The following SLC71A2 variants were observed in gnomAD, a reference collection of about 807,000 sequenced individuals.
SLC71A2 encodes the protein hippocampus abundant transcript-like 1.
At chr9:94,449,246 T>A in the SLC71A2 span, among the ~76,000 whole-genome samples, 1 of 152,222 alleles carries the variant, frequency 6.6e-6, no homozygotes, top group African/African-American at 2.4e-5. Context: ...TCCATATTAT[T>A]TTATATTATT....
chr9:94,455,978 G>C, the SLC71A2 span, among the ~76,000 whole-genome samples: 1 of 152,270 alleles, frequency 6.6e-6, no homozygotes, highest in African/African-American at 2.4e-5. Flanking sequence ...GGAGACCAGG[G>C]AGAAGAAAAG....
chr9:94,428,973 A>G, the SLC71A2 span, among the ~76,000 whole-genome samples: 1 of 151,796 alleles, frequency 6.6e-6, no homozygotes. Flanking sequence ...TGTGCATTTG[A>G]GGTTCCTCCA....
the SLC71A2 span, chr9:94,456,343 G>A: frequency 6.2e-7 from 1 of 1,610,582 alleles, no homozygotes; most frequent in South Asian, 1.1e-5. Context: ...GCAAGGTGAG[G>A]TCACTGCCCC....
chr9:94,447,977 C>T, the SLC71A2 span, among the ~76,000 whole-genome samples: 3 of 152,100 alleles, frequency 2.0e-5, no homozygotes, highest in African/African-American at 7.2e-5. Context: ...GGCTTGATAG[C>T]TCATTTTGTT....
At chr9:94,447,070 G>T in the SLC71A2 span, 1 of 550,546 alleles carries the variant, frequency 1.8e-6, no homozygotes, top group Non-Finnish European at 3.2e-6. Context: ...TGTAGGTGCT[G>T]GCATATAATT....
At chr9:94,411,528 A>T in the SLC71A2 span, among the ~76,000 whole-genome samples, 1 of 151,552 alleles carries the variant, frequency 6.6e-6, no homozygotes, top group Non-Finnish European at 1.5e-5. Context: ...TAGATTCACT[A>T]TTTCAGTAAG....
At chr9:94,444,937 C>A in the SLC71A2 span, 1 of 1,608,572 alleles carries the variant, frequency 6.2e-7, no homozygotes. Flanking sequence ...CCTATGGGAC[C>A]CTGGGTGAGA....
At chr9:94,419,090 T>A in the SLC71A2 span, among the ~76,000 whole-genome samples, 1 of 152,046 alleles carries the variant, frequency 6.6e-6, no homozygotes, top group Non-Finnish European at 1.5e-5. Flanking sequence ...AACCTGTATA[T>A]TTAGATAATA....
chr9:94,437,837 G>A, the SLC71A2 span, among the ~76,000 whole-genome samples: 1 of 145,692 alleles, frequency 6.9e-6, no homozygotes, highest in African/African-American at 2.6e-5. Flanking sequence ...TCATGTCATC[G>A]CTCTTTTCTA....
At chr9:94,407,248 A>T in the SLC71A2 span, among the ~76,000 whole-genome samples, 2 of 151,948 alleles carry the variant, frequency 1.3e-5, no homozygotes, top group Non-Finnish European at 2.9e-5. Context: ...CTGTTATTAC[A>T]TTCTTAGAAT....
the SLC71A2 span, among the ~76,000 whole-genome samples, chr9:94,443,683 A>G: frequency 5.9e-5 from 9 of 152,236 alleles, no homozygotes; most frequent in Non-Finnish European, 1.2e-4. Context: ...CACATTTTGC[A>G]TAGAGTTTCA....
At chr9:94,454,213 A>G in the SLC71A2 span, 5 of 608,946 alleles carry the variant, frequency 8.2e-6, no homozygotes, top group Non-Finnish European at 1.5e-5. Context: ...TTAGGCTTTA[A>G]TTTGGGGAAA....
the SLC71A2 span, among the ~76,000 whole-genome samples, chr9:94,459,003 A>C: frequency 1.3e-5 from 2 of 152,190 alleles, no homozygotes; most frequent in Non-Finnish European, 2.9e-5. Context: ...CCAAACACCA[A>C]GCTCTAGTGG....
chr9:94,447,305 G>T, the SLC71A2 span, among the ~76,000 whole-genome samples: 1 of 151,424 alleles, frequency 6.6e-6, no homozygotes, highest in Admixed American at 6.6e-5. Context: ...TCAGCCTCCC[G>T]AGTAGCTGGG....
chr9:94,412,281 T>C, the SLC71A2 span, among the ~76,000 whole-genome samples: 1 of 152,240 alleles, frequency 6.6e-6, no homozygotes, highest in Non-Finnish European at 1.5e-5. Flanking sequence ...TAGAAGCTTT[T>C]TATATGTTAG....
At chr9:94,459,242 G>A in the SLC71A2 span, 2 of 1,614,098 alleles carry the variant, frequency 1.2e-6, no homozygotes, top group African/African-American at 2.7e-5. Context: ...ATTCATTCCT[G>A]AATACAGTAA....
chr9:94,424,814 A>G, the SLC71A2 span, among the ~76,000 whole-genome samples: 1 of 136,580 alleles, frequency 7.3e-6, no homozygotes, highest in South Asian at 2.3e-4. Context: ...ATCTCAGCTC[A>G]CTGCAACCTC....
At chr9:94,404,494 C>T in the SLC71A2 span, among the ~76,000 whole-genome samples, 1 of 152,024 alleles carries the variant, frequency 6.6e-6, no homozygotes, top group Non-Finnish European at 1.5e-5. Flanking sequence ...CAGGGTTTCA[C>T]CATGTTGGCC....
the SLC71A2 span, among the ~76,000 whole-genome samples, chr9:94,444,307 C>A: frequency 1.3e-5 from 2 of 152,138 alleles, no homozygotes; most frequent in African/African-American, 4.8e-5. Flanking sequence ...TCTGTGGTCT[C>A]TATACTGGAT....
Sources: allele counts gnomAD v4.1 joint callset (sites outside exome capture counted in the v4.1 genomes callset), GRCh38; gene constraint gnomAD v4.1.1; transcripts MANE v1.5; gene names NCBI Gene and HGNC (gene_info 2026-07-23, HGNC 2026-07-21).